Variants in NRXN1 observed in about 807,000 individuals in gnomAD.
NRXN1 encodes neurexin 1, also known as neurexin-1.
Under a neutral mutation model 150.9 loss-of-function variants are expected in NRXN1, and 39 were observed. That is an observed-to-expected ratio of 0.26 (90% CI 0.20 to 0.34). The LOEUF (loss-of-function observed/expected upper bound fraction) is 0.34, where lower values mean the gene tolerates loss of function less well. Ranked by LOEUF, NRXN1 falls within the 10% of genes least tolerant of loss-of-function variation. The pLI, the probability that NRXN1 is intolerant of heterozygous loss-of-function variation, is 1.00. For missense variants in NRXN1, 1,815 were observed against 1,949.9 expected, an observed-to-expected ratio of 0.93 and a Z score of 1.30; for synonymous variants, 924 against 757.0, an observed-to-expected ratio of 1.22 and a Z score of -3.62.
intron 2 of NRXN1, among the ~76,000 whole-genome samples, chr2:50,930,352 C>G (rs10490166): frequency 0.25 from 37,364 of 151,786 alleles, 5,370 homozygotes; most frequent in Non-Finnish European, 0.33. Context: ...TCAAAATGTT[C>G]TATCTTGTTA....
At chr2:50,403,079 A>G (rs1287711130) in intron 17 of NRXN1, among the ~76,000 whole-genome samples, 1 of 152,144 alleles carries the variant, frequency 6.6e-6, no homozygotes, top group East Asian at 1.9e-4. Context: ...CACCCCAGGC[A>G]TGGTTGCTGA....
intron 10 of NRXN1, among the ~76,000 whole-genome samples, 164 bp from the exon 11 acceptor site, chr2:50,531,594 G>C (rs928391645): frequency 2.6e-5 from 4 of 152,204 alleles, no homozygotes; most frequent in Middle Eastern, 6.8e-3. Context: ...GAGCTGGAAA[G>C]AGAAGTCACA....
intron 5 of NRXN1, among the ~76,000 whole-genome samples, chr2:50,810,428 G>A (rs1668059760): frequency 6.6e-6 from 1 of 152,108 alleles, no homozygotes; most frequent in Non-Finnish European, 1.5e-5. Context: ...TTATTACTGA[G>A]TTTTAATGTC....
intron 17 of NRXN1, among the ~76,000 whole-genome samples, chr2:50,267,364 TG>T (rs1156899292): frequency 6.6e-6 from 1 of 152,126 alleles, no homozygotes; most frequent in Non-Finnish European, 1.5e-5. Context: ...ATAAACAAAA[TG>T]TAAAACTCAG....
At chr2:50,577,478 C>T (rs925892809) in intron 8 of NRXN1, among the ~76,000 whole-genome samples, 5 of 151,788 alleles carry the variant, frequency 3.3e-5, no homozygotes, top group Admixed American at 2.6e-4. Context: ...ATTTTAGTTC[C>T]TAAGATCACA....
intron 21 of NRXN1, among the ~76,000 whole-genome samples, chr2:49,980,955 A>C (rs950295978): frequency 2.0e-5 from 3 of 152,082 alleles, no homozygotes; most frequent in Admixed American, 2.0e-4. Context: ...TTTCATGTGA[A>C]ATGATGACTC....
At chr2:50,859,773 T>A (rs1268491919) in intron 5 of NRXN1, among the ~76,000 whole-genome samples, 2 of 151,704 alleles carry the variant, frequency 1.3e-5, no homozygotes, top group Non-Finnish European at 2.9e-5. Flanking sequence ...ATTATAAATA[T>A]AAATATATAC....
At chr2:49,963,838 T>A (rs1015609804) in intron 21 of NRXN1, among the ~76,000 whole-genome samples, 2 of 152,144 alleles carry the variant, frequency 1.3e-5, no homozygotes, top group Admixed American at 1.3e-4. Context: ...GCTAATACTA[T>A]CAGTAAATTT....
intron 21 of NRXN1, among the ~76,000 whole-genome samples, chr2:49,960,203 C>A (rs1178661955): frequency 2.6e-5 from 4 of 152,318 alleles, no homozygotes; most frequent in African/African-American, 9.6e-5. Flanking sequence ...AAGCATTCAA[C>A]TGAGTTCATA....
At chr2:50,527,967 C>G (rs1157208529) in intron 12 of NRXN1, among the ~76,000 whole-genome samples, 2 of 152,176 alleles carry the variant, frequency 1.3e-5, no homozygotes, top group Non-Finnish European at 2.9e-5. Flanking sequence ...TGCCACAACT[C>G]AAAATAAAAT....
At chr2:50,696,059 T>C (rs1012205101) in intron 5 of NRXN1, 9 of 152,118 alleles carry the variant, frequency 5.9e-5, no homozygotes, top group Non-Finnish European at 1.2e-4. Context: ...GGCAGGCTGG[T>C]CTTGAACTCC....
At chr2:50,752,985 C>G (rs139445837) in intron 5 of NRXN1, among the ~76,000 whole-genome samples, 1 of 151,790 alleles carries the variant, frequency 6.6e-6, no homozygotes, top group Non-Finnish European at 1.5e-5. Flanking sequence ...ATTTGGCATG[C>G]TCTTTATATA....
intron 21 of NRXN1, among the ~76,000 whole-genome samples, chr2:49,957,500 A>G (rs1340469680): frequency 6.6e-6 from 1 of 152,172 alleles, no homozygotes; most frequent in African/African-American, 2.4e-5. Flanking sequence ...CTTCACAGAG[A>G]AAGTACAAGT....
chr2:49,981,773 T>C (rs1169844513), intron 21 of NRXN1, among the ~76,000 whole-genome samples: 3 of 152,102 alleles, frequency 2.0e-5, no homozygotes, highest in Non-Finnish European at 4.4e-5. Flanking sequence ...GAACAGAAGA[T>C]ATTTTCAAAT....
intron 17 of NRXN1, among the ~76,000 whole-genome samples, chr2:50,238,535 A>G (rs893348936): frequency 6.6e-6 from 1 of 152,072 alleles, no homozygotes; most frequent in African/African-American, 2.4e-5. Context: ...AATAGCTTGT[A>G]CCAAGAGTAA....
chr2:50,892,636 T>C (rs183641668), intron 5 of NRXN1, among the ~76,000 whole-genome samples: 51 of 152,260 alleles, frequency 3.3e-4, no homozygotes, highest in Admixed American at 1.3e-3. Context: ...TCTTAAACCA[T>C]TGATAAAAAC....
chr2:49,964,909 G>A (rs184312109), intron 21 of NRXN1, among the ~76,000 whole-genome samples: 108 of 152,118 alleles, frequency 7.1e-4, no homozygotes, highest in Non-Finnish European at 1.2e-3. Context: ...TTTTTGAGAC[G>A]AGGGTCTCAC....
chr2:50,779,484 T>A (rs1226557607), intron 5 of NRXN1, among the ~76,000 whole-genome samples: 1 of 152,160 alleles, frequency 6.6e-6, no homozygotes, highest in Non-Finnish European at 1.5e-5. Flanking sequence ...TAAAAATATG[T>A]GTGGCAGGGC....
At chr2:50,970,411 G>A (rs921137997) in intron 2 of NRXN1, among the ~76,000 whole-genome samples, 15 of 152,012 alleles carry the variant, frequency 9.9e-5, no homozygotes, top group African/African-American at 3.1e-4. Context: ...TGTATTATCA[G>A]GACATTCTTC....
Sources: gnomAD v4.1 joint callset for allele counts (sites outside exome capture counted in the v4.1 genomes callset) on GRCh38, gnomAD v4.1.1 for gene constraint, MANE v1.5 for transcripts, NCBI Gene and HGNC (gene_info 2026-07-23, HGNC 2026-07-21) for gene names.